TRPM7: variants seen among roughly 807,000 people sequenced by gnomAD.
TRPM7 encodes transient receptor potential cation channel subfamily M member 7.
Under a neutral mutation model 229.7 loss-of-function variants are expected in TRPM7, and 134 were observed. The ratio of observed to expected loss-of-function variants is 0.58; its 90% confidence interval spans 0.51 to 0.67. TRPM7 has a LOEUF of 0.67. Among genes scored for constraint, TRPM7 ranks in the 30% least tolerant of loss-of-function variants. The pLI is 0.00. For missense variants in TRPM7, 1,901 were observed against 2,210.0 expected (o/e 0.86, Z 2.80); for synonymous variants, 699 against 715.2 (o/e 0.98, Z 0.36).
intron 35 of TRPM7, 62 bp downstream of exon 35, chr15:50,574,575 G>T: frequency 1.9e-6 from 3 of 1,552,410 alleles, no homozygotes; most frequent in Non-Finnish European, 2.6e-6. Context: ...CATCAAAAAT[G>T]AAGGTCAAAA....
At chr15:50,633,121 G>A (rs2060787498) in intron 8 of TRPM7, 129 bp from the exon 9 acceptor site, 2 of 744,724 alleles carry the variant, frequency 2.7e-6, no homozygotes, top group Non-Finnish European at 3.8e-6. Flanking sequence ...CACCTTGGGT[G>A]GGATTATTTC....
At chr15:50,614,677 A>AG (rs1414508688) in intron 13 of TRPM7, among the ~76,000 whole-genome samples, 2 of 149,402 alleles carry the variant, frequency 1.3e-5, no homozygotes, top group African/African-American at 4.9e-5. Context: ...AAAAAAAAAA[A>AG]AAAAAAAAAA....
chr15:50,652,319 A>G (rs1375788188), intron 3 of TRPM7, among the ~76,000 whole-genome samples: 1 of 112,872 alleles, frequency 8.9e-6, no homozygotes, highest in African/African-American at 3.6e-5. Context: ...GCTGAGTGAG[A>G]CTCCATCTCA....
At chr15:50,646,094 G>A (rs894713941) in intron 4 of TRPM7, among the ~76,000 whole-genome samples, 9 of 143,724 alleles carry the variant, frequency 6.3e-5, no homozygotes, top group Admixed American at 2.2e-4. Flanking sequence ...TCCAGCCTGG[G>A]CAACAGAGCG....
At position 50,592,645 on chromosome 15, in the gene TRPM7, C is replaced by T. The variant is rs768945376; in HGVS notation, c.3609-19G>A. 2.1e-6 allele frequency: 3 copies of T among 1,449,206 alleles called. No individual in the cohort carries two copies. The highest frequency in any genetic ancestry group is 2.3e-5 in the Admixed American group (1 of 43,622). The allele number at this position is 1,449,206 out of a possible 1,614,324, so 89.8% of individuals were successfully genotyped here. On this transcript the variant is annotated intron_variant, in intron 25 of 38. Transcript: ENST00000646667. The stretch of plus-strand genomic sequence containing the variant: ...TTCCACTCTGTAGGAGAGAAATAAG[C>T]TTTTTTTACAAATGTGAAAAAATAA...
At chr15:50,625,070 A>C (rs747403769) in intron 11 of TRPM7, among the ~76,000 whole-genome samples, 25 of 152,248 alleles carry the variant, frequency 1.6e-4, no homozygotes, top group Non-Finnish European at 3.7e-4. Context: ...AAACTTCAAC[A>C]GACTTGAAAT....
At chr15:50,656,123 G>A (rs1596317780) in intron 3 of TRPM7, among the ~76,000 whole-genome samples, 2 of 152,150 alleles carry the variant, frequency 1.3e-5, no homozygotes, top group Admixed American at 1.3e-4. Context: ...AGACCAAACT[G>A]AGAAAATTCA....
rs1381709169 is a variant in TRPM7, at chr15:50,677,758, AAAC to A, written c.3+8770_3+8772del. Among the ~76,000 whole-genome samples the A allele has an allele frequency of 1.1e-4, 17 of 150,090 alleles. 3 individuals carry two copies. The highest frequency in any genetic ancestry group is 1.9e-4 in the East Asian group (1 of 5,134). On this transcript the variant is annotated intron_variant, in intron 1 of 38. Coordinates refer to ENST00000646667, the MANE Select transcript of TRPM7 (RefSeq NM_017672.6). Reference sequence around the variant, plus strand: ...CGTATCAAAAAAAAAAAAAAAAAAAAAACAAAAGGTAACCCAGAGCCTCTACTA... The same window carrying A: ...CGTATCAAAAAAAAAAAAAAAAAAAAAAAAGGTAACCCAGAGCCTCTACTA...
chr15:50,648,769 A>G lies in TRPM7; in HGVS notation c.239T>C (p.Val80Ala). 6.2e-7 allele frequency: 1 copy of G among 1,613,786 alleles called. No individual in the cohort carries two copies. Among genetic ancestry groups the G allele is most frequent in the Non-Finnish European group, 8.5e-7 (1 of 1,179,810 alleles). ...TGGGCTCTGTTCTGTATGCTTTTCC[A>G]CAGACCATTCTTCTATTGCCTGATT... is the stretch of plus-strand genomic sequence containing the variant. ...HFNQAIEEWSVEKHTEQSPTD... is the reference protein window; with the variant it reads ...HFNQAIEEWSAEKHTEQSPTD... The change falls in exon 4 of 39, where the codon GTG becomes GCG. Residue 80 changes from valine to alanine, a missense_variant. Coordinates refer to ENST00000646667, the MANE Select transcript of TRPM7 (RefSeq NM_017672.6).
chr15:50,582,264 C>A (rs1397990653), intron 29 of TRPM7, among the ~76,000 whole-genome samples: 1 of 151,938 alleles, frequency 6.6e-6, no homozygotes, highest in Non-Finnish European at 1.5e-5. Flanking sequence ...CAGCCCCCAC[C>A]GAGTTTTTTT....
At chr15:50,632,354 G>C (rs1384707554) in intron 9 of TRPM7, among the ~76,000 whole-genome samples, 1 of 151,902 alleles carries the variant, frequency 6.6e-6, no homozygotes, top group Non-Finnish European at 1.5e-5. Flanking sequence ...CAAAATTTTT[G>C]GCCAACTTTA....
chr15:50,580,694 T>C (rs2054356896), intron 30 of TRPM7, among the ~76,000 whole-genome samples, 180 bp downstream of exon 30: 1 of 152,196 alleles, frequency 6.6e-6, no homozygotes, highest in African/African-American at 2.4e-5. Flanking sequence ...TTTTAACTTT[T>C]ATATTAATTC....
At chr15:50,578,467 T>C (rs780563135) in intron 31 of TRPM7, 172 bp downstream of exon 31, 10 of 437,324 alleles carry the variant, frequency 2.3e-5, no homozygotes, top group Admixed American at 3.8e-5. Context: ...GATTCGTGTG[T>C]TTGTGAAACA....
At position 50,605,153 on chromosome 15, in the gene TRPM7, T is replaced by G; in HGVS notation, c.2710-9A>C. 1 of 1,563,892 alleles carries G rather than the reference T, an allele frequency of 6.4e-7. No individual in the cohort carries two copies. Among genetic ancestry groups the G allele is most frequent in the Non-Finnish European group, 8.6e-7 (1 of 1,159,870 alleles). On this transcript the variant is annotated splice_polypyrimidine_tract_variant and intron_variant, in intron 20 of 38. Transcript: ENST00000646667. ...GCTTCAGACATAAAGATCTAAAGGT[T>G]TAACAACAACAAAAAAAAGTGTAAT...
chr15:50,634,575 A>T lies in TRPM7; in HGVS notation c.833-19T>A, dbSNP rs1311667919. The T allele has an allele frequency of 2.2e-6, 3 of 1,360,472 alleles. No homozygotes were observed. The highest frequency in any genetic ancestry group is 2.2e-5 in the South Asian group (1 of 45,208). The allele number at this position is 1,360,472 out of a possible 1,614,324, so 84.3% of individuals were successfully genotyped here. A position where few individuals can be genotyped will look rare whatever the true frequency, so the allele number is the denominator to read the frequency against. The stretch of plus-strand genomic sequence containing the variant: ...CCAATCCCTAAAAAGAGCAAAGTTA[A>T]ATTAAAAAATTATTTCATCCCAAGC... On this transcript the variant is annotated intron_variant, in intron 7 of 38. Coordinates refer to ENST00000646667, the MANE Select transcript of TRPM7 (RefSeq NM_017672.6).
At chr15:50,631,570 T>A (rs1453050920) in intron 9 of TRPM7, 81 bp from the exon 10 acceptor site, 5 of 821,176 alleles carry the variant, frequency 6.1e-6, no homozygotes, top group South Asian at 1.7e-5. Flanking sequence ...TTTCAAACTA[T>A]ATGGGGGGCA....
At chr15:50,581,158 T>G (rs2054388457) in intron 29 of TRPM7, among the ~76,000 whole-genome samples, 1 of 152,192 alleles carries the variant, frequency 6.6e-6, no homozygotes, top group East Asian at 1.9e-4. Context: ...GTCTTTCTAT[T>G]CTTTATGAAT....
chr15:50,684,211 G>A (rs1466109100), intron 1 of TRPM7, among the ~76,000 whole-genome samples: 1 of 151,060 alleles, frequency 6.6e-6, no homozygotes, highest in African/African-American at 2.4e-5. Context: ...GTAGTGCAGT[G>A]GCAGGATCTC....
Position 50,558,468 on chromosome 15 carries a change from G to C in TRPM7, c.*3210C>G, listed in dbSNP as rs1420461513. 1 of 152,166 alleles carries C rather than the reference G, an allele frequency of 6.6e-6. No homozygotes were observed. Among genetic ancestry groups the C allele is most frequent in the Admixed American group, 6.6e-5 (1 of 15,266 alleles). 9.4% of individuals were successfully genotyped at this position (152,166 alleles called of 1,614,324 possible). ...AGTACTTTGGGTAGCCGGGGGAGGT[G>C]GATCACTTGAGGTCAGGAGTTTGAG... On this transcript the variant is annotated 3_prime_UTR_variant, in exon 39 of 39. Coordinates refer to ENST00000646667, the MANE Select transcript of TRPM7 (RefSeq NM_017672.6).
Sources: allele counts gnomAD v4.1 joint callset (sites outside exome capture counted in the v4.1 genomes callset), GRCh38; gene constraint gnomAD v4.1.1; transcripts MANE v1.5; gene names NCBI Gene and HGNC (gene_info 2026-07-23, HGNC 2026-07-21).